Variants in ARB2A observed in about 807,000 individuals in gnomAD.
ARB2A encodes ARB2 cotranscriptional regulator A.
chr5:94,050,380 A>C, the ARB2A span, among the ~76,000 whole-genome samples: 3 of 149,932 alleles, frequency 2.0e-5, no homozygotes, highest in Non-Finnish European at 4.4e-5. Flanking sequence ...TCAGCCTTCC[A>C]AGTAGCTGGG....
the ARB2A span, among the ~76,000 whole-genome samples, chr5:94,036,788 T>A: frequency 6.6e-6 from 1 of 152,216 alleles, no homozygotes; most frequent in African/African-American, 2.4e-5. Flanking sequence ...TGGCACTCAT[T>A]TCTTGCCCCA....
the ARB2A span, among the ~76,000 whole-genome samples, chr5:94,001,464 T>C: frequency 1.3e-5 from 2 of 152,096 alleles, no homozygotes; most frequent in Non-Finnish European, 2.9e-5. Flanking sequence ...TTTACATCAT[T>C]TGTAGTTGCC....
At chr5:93,958,831 TATA>T in the ARB2A span, 7 of 1,603,946 alleles carry the variant, frequency 4.4e-6, no homozygotes, top group Non-Finnish European at 6.0e-6. Context: ...GATCTTCATT[TATA>T]ATAAGTCTTC....
At chr5:93,942,528 A>AG in the ARB2A span, among the ~76,000 whole-genome samples, 2 of 151,896 alleles carry the variant, frequency 1.3e-5, no homozygotes, top group South Asian at 2.1e-4. Context: ...CCACTCTTTA[A>AG]GGGAAAAAAA....
At chr5:93,932,698 G>A in the ARB2A span, among the ~76,000 whole-genome samples, 1 of 152,146 alleles carries the variant, frequency 6.6e-6, no homozygotes, top group Non-Finnish European at 1.5e-5. Context: ...AAGATGAGAA[G>A]TAAATACTGG....
the ARB2A span, among the ~76,000 whole-genome samples, chr5:93,621,891 A>T: frequency 1.3e-5 from 2 of 152,212 alleles, no homozygotes; most frequent in Non-Finnish European, 1.5e-5. Context: ...GACTACTAAA[A>T]GAGCATCTAG....
chr5:93,952,622 T>G, the ARB2A span, among the ~76,000 whole-genome samples: 6 of 152,206 alleles, frequency 3.9e-5, no homozygotes, highest in African/African-American at 1.4e-4. Context: ...CTTTGGGAAT[T>G]TATTAAATGT....
the ARB2A span, among the ~76,000 whole-genome samples, chr5:93,705,658 T>C: frequency 6.6e-6 from 1 of 150,498 alleles, no homozygotes; most frequent in African/African-American, 2.5e-5. Context: ...TGTGTATATA[T>C]ATATATATAT....
At chr5:93,939,465 T>C in the ARB2A span, among the ~76,000 whole-genome samples, 1 of 152,066 alleles carries the variant, frequency 6.6e-6, no homozygotes, top group African/African-American at 2.4e-5. Flanking sequence ...AAGATAAGAA[T>C]TTAAAAGGAT....
the ARB2A span, among the ~76,000 whole-genome samples, chr5:93,764,484 C>T: frequency 3.9e-5 from 6 of 152,104 alleles, no homozygotes; most frequent in East Asian, 7.7e-4. Context: ...ATACACCCTC[C>T]CAAGAATAAA....
the ARB2A span, among the ~76,000 whole-genome samples, chr5:93,767,348 G>C: frequency 3.9e-5 from 6 of 152,132 alleles, no homozygotes; most frequent in Non-Finnish European, 8.8e-5. Context: ...CCTTACTCCT[G>C]CAAGAACGGC....
chr5:93,624,842 TTTATAA>T, the ARB2A span, among the ~76,000 whole-genome samples: 1 of 152,120 alleles, frequency 6.6e-6, no homozygotes, highest in Non-Finnish European at 1.5e-5. Flanking sequence ...TGAAAACCTG[TTTATAA>T]TTATATGGAT....
chr5:94,027,631 A>C, the ARB2A span, among the ~76,000 whole-genome samples: 3 of 152,228 alleles, frequency 2.0e-5, no homozygotes, highest in African/African-American at 7.2e-5. Flanking sequence ...CCCAGCCAGT[A>C]GGGCGGTACA....
At chr5:93,811,358 T>C in the ARB2A span, among the ~76,000 whole-genome samples, 1 of 152,168 alleles carries the variant, frequency 6.6e-6, no homozygotes, top group African/African-American at 2.4e-5. Context: ...TAATTTTACA[T>C]TTTCCACACC....
the ARB2A span, among the ~76,000 whole-genome samples, chr5:94,089,250 T>G: frequency 2.6e-5 from 4 of 152,214 alleles, no homozygotes; most frequent in South Asian, 8.3e-4. Flanking sequence ...AAAACAGATG[T>G]TGTTTCAAGT....
chr5:94,025,817 A>C, the ARB2A span, among the ~76,000 whole-genome samples: 3 of 152,144 alleles, frequency 2.0e-5, no homozygotes, highest in Non-Finnish European at 2.9e-5. Context: ...CTGGCCAGTG[A>C]CGCCCCTGCC....
At chr5:93,877,733 G>T in the ARB2A span, among the ~76,000 whole-genome samples, 7 of 152,090 alleles carry the variant, frequency 4.6e-5, no homozygotes, top group Admixed American at 4.6e-4. Context: ...GTAAGGAGGG[G>T]TCATCGGTTA....
At chr5:93,864,147 C>T in the ARB2A span, among the ~76,000 whole-genome samples, 1 of 152,080 alleles carries the variant, frequency 6.6e-6, no homozygotes, top group African/African-American at 2.4e-5. Flanking sequence ...TAATCATTAA[C>T]TTCATATTAT....
the ARB2A span, among the ~76,000 whole-genome samples, chr5:93,967,546 T>C: frequency 1.3e-5 from 2 of 152,078 alleles, no homozygotes; most frequent in Admixed American, 1.3e-4. Flanking sequence ...ACGGAGGAAC[T>C]GCTGGCGGGG....
Sources: gnomAD v4.1 joint callset for allele counts (sites outside exome capture counted in the v4.1 genomes callset) on GRCh38, gnomAD v4.1.1 for gene constraint, MANE v1.5 for transcripts, NCBI Gene and HGNC (gene_info 2026-07-23, HGNC 2026-07-21) for gene names.